The following BCLAF3 variants were observed in gnomAD, a reference collection of about 807,000 sequenced individuals.
BCLAF3 encodes the protein transient octamer binding factor 1.
A neutral mutation model predicts 51.2 loss-of-function variants in BCLAF3; 24 were observed. That is an observed-to-expected ratio of 0.47 (90% CI 0.34 to 0.66). The LOEUF (loss-of-function observed/expected upper bound fraction) is 0.66, where lower values mean the gene tolerates loss of function less well. BCLAF3 is among the 30% of genes least tolerant of loss of function. BCLAF3 has a pLI of 0.01. For synonymous variants in BCLAF3, 152 were observed against 176.6 expected (o/e 0.86, Z 1.10); for missense variants, 465 against 525.1 (o/e 0.89, Z 1.12).
intron 7 of BCLAF3, 55 bp from the exon 8 acceptor site, chrX:19,950,923 AC>A: frequency 1.3e-6 from 1 of 798,040 alleles, no homozygotes; most frequent in Non-Finnish European, 1.9e-6. Context: ...TTGCACAAAG[AC>A]CATATCTAAC....
rs1329069727 is a variant in BCLAF3, at chrX:19,915,341, T to C, written c.*1964A>G. ...AAGCTGGGTGCTGGGGATACTATGG[T>C]GGACAAGACAGACACGGTCCCTGTC... On this transcript the variant is annotated 3_prime_UTR_variant, in exon 12 of 12. Transcript: ENST00000379682. 8.9e-6 allele frequency: 1 copy of C among 112,038 alleles called. No individual in the cohort carries two copies. The highest frequency in any genetic ancestry group is 1.9e-5 in the Non-Finnish European group (1 of 53,214). The allele number at this position is 112,038 out of a possible 1,213,427, so 9.2% of individuals were successfully genotyped here.
intron 1 of BCLAF3, among the ~76,000 whole-genome samples, chrX:19,988,991 G>C (rs1286123537): frequency 8.9e-6 from 1 of 111,758 alleles, no homozygotes; most frequent in Non-Finnish European, 1.9e-5. Context: ...TGGTTGGAGA[G>C]TACAAGTATG....
chrX:19,929,965 A>C, intron 10 of BCLAF3, 25 bp from the exon 11 acceptor site: 1 of 1,197,040 alleles, frequency 8.4e-7, no homozygotes, highest in Non-Finnish European at 1.1e-6. Context: ...AAAGGAATTA[A>C]ATGCTAAAAC....
intron 10 of BCLAF3, 30 bp downstream of exon 10, chrX:19,935,779 T>A (rs1244872867): frequency 9.0e-7 from 1 of 1,107,011 alleles, no homozygotes; most frequent in Non-Finnish European, 1.2e-6. Context: ...AAACCAAAGC[T>A]GGAATTAAAT....
intron 7 of BCLAF3, 55 bp downstream of exon 7, chrX:19,952,933 G>T: frequency 1.0e-6 from 1 of 977,049 alleles, no homozygotes; most frequent in Non-Finnish European, 1.4e-6. Flanking sequence ...CAAGCCCCTT[G>T]CCGTTAATAT....
intron 10 of BCLAF3, among the ~76,000 whole-genome samples, chrX:19,932,183 A>T (rs1193256077): frequency 8.9e-6 from 1 of 112,350 alleles, no homozygotes; most frequent in Non-Finnish European, 1.9e-5. Flanking sequence ...TCATCTTCTC[A>T]ATTTTCTCAA....
intron 10 of BCLAF3, among the ~76,000 whole-genome samples, chrX:19,934,649 C>T (rs949201110): frequency 3.6e-5 from 4 of 111,717 alleles, no homozygotes; most frequent in Admixed American, 1.9e-4. Context: ...CTCAATTAAC[C>T]TTCTAGTCCA....
At chrX:19,986,950 A>G (rs1402614676) in intron 1 of BCLAF3, among the ~76,000 whole-genome samples, 2 of 109,708 alleles carry the variant, frequency 1.8e-5, no homozygotes, top group African/African-American at 3.3e-5. Flanking sequence ...CTATAGGTGC[A>G]TACCCCATAC....
At chrX:19,982,278 C>CCAA (rs1010125070) in intron 1 of BCLAF3, among the ~76,000 whole-genome samples, 25 of 110,368 alleles carry the variant, frequency 2.3e-4, no homozygotes, top group Non-Finnish European at 1.5e-4. Context: ...CCCCCTCTCT[C>CCAA]CAACAACAAC....
At chrX:19,949,801 T>C (rs1422307690) in intron 8 of BCLAF3, among the ~76,000 whole-genome samples, 1 of 112,286 alleles carries the variant, frequency 8.9e-6, no homozygotes, top group Non-Finnish European at 1.9e-5. Flanking sequence ...GAAAAACAAT[T>C]AGCACTGTCT....
chrX:19,971,839 A>G (rs1032231326), intron 1 of BCLAF3, among the ~76,000 whole-genome samples: 1 of 112,244 alleles, frequency 8.9e-6, no homozygotes, highest in Admixed American at 9.5e-5. Flanking sequence ...TTCTGAAGAC[A>G]CTATGGTGAA....
chrX:19,918,062 A>G (rs1354267387), intron 11 of BCLAF3: 1 of 111,923 alleles, frequency 8.9e-6, no homozygotes, highest in East Asian at 2.8e-4. Context: ...ATTAATATAC[A>G]TATCCTTACC....
rs369004395 is a variant in BCLAF3, at chrX:19,934,817, G to C, written c.1950+992C>G. Among the ~76,000 whole-genome samples, 92 of 111,913 alleles carry C rather than the reference G, an allele frequency of 8.2e-4. 1 individual carries two copies. Among genetic ancestry groups the C allele is most frequent in the African/African-American group, 2.9e-3 (89 of 30,812 alleles). On this transcript the variant is annotated intron_variant, in intron 10 of 11. Transcript: ENST00000379682. ...AATATGAGTGAAAAATATTAATAAA[G>C]TATCTATTACAGGCAAGAAACTGTC...
chrX:19,973,539 C>A, intron 1 of BCLAF3, among the ~76,000 whole-genome samples: 1 of 111,522 alleles, frequency 9.0e-6, no homozygotes, highest in Non-Finnish European at 1.9e-5. Context: ...TAGTCCCCTA[C>A]ACCACACTAC....
At position 19,916,371 on chromosome X, in the gene BCLAF3, T is replaced by C. The variant is rs914638561; in HGVS notation, c.*934A>G. Reference sequence around the variant, plus strand: ...ACACAGAAAACATAAAGAAATAAGGTATTGGGGCCTAAAAATTTCATTTAA... The same window carrying C: ...ACACAGAAAACATAAAGAAATAAGGCATTGGGGCCTAAAAATTTCATTTAA... On this transcript the variant is annotated 3_prime_UTR_variant, in exon 12 of 12. Coordinates refer to ENST00000379682, the MANE Select transcript of BCLAF3 (RefSeq NM_001367774.2). 6 of 112,285 alleles carry C rather than the reference T, an allele frequency of 5.3e-5. No individual in the cohort carries two copies. The highest frequency in any genetic ancestry group is 1.9e-4 in the African/African-American group (6 of 30,895). The allele number at this position is 112,285 out of a possible 1,213,427, so 9.3% of individuals were successfully genotyped here.
chrX:19,936,015 G>T, intron 9 of BCLAF3, 117 bp from the exon 10 acceptor site: 1 of 588,244 alleles, frequency 1.7e-6, no homozygotes, highest in Non-Finnish European at 2.8e-6. Context: ...AAAGCAGGGA[G>T]CAGGGAGCTT....
chrX:19,986,791 A>T (rs1031290362), intron 1 of BCLAF3, among the ~76,000 whole-genome samples: 2 of 101,114 alleles, frequency 2.0e-5, no homozygotes, highest in Admixed American at 2.2e-4. Flanking sequence ...GAGAAACTTG[A>T]GTCGGTTTTT....
chrX:19,947,757 G>A (rs984136652), intron 8 of BCLAF3, among the ~76,000 whole-genome samples: 9 of 111,960 alleles, frequency 8.0e-5, no homozygotes, highest in African/African-American at 2.3e-4. Flanking sequence ...TATGAACTGA[G>A]CTCAGGGCAG....
intron 8 of BCLAF3, among the ~76,000 whole-genome samples, chrX:19,940,302 G>A (rs1019825046): frequency 1.9e-5 from 2 of 105,192 alleles, no homozygotes; most frequent in Non-Finnish European, 3.9e-5. Flanking sequence ...TATACTTTAA[G>A]TTTTAGGGTA....
Sources: gnomAD v4.1 joint callset for allele counts (sites outside exome capture counted in the v4.1 genomes callset) on GRCh38, gnomAD v4.1.1 for gene constraint, MANE v1.5 for transcripts, NCBI Gene and HGNC (gene_info 2026-07-23, HGNC 2026-07-21) for gene names.